The following CACNA2D1 variants were observed in gnomAD, a reference collection of about 807,000 sequenced individuals.
CACNA2D1 encodes voltage-dependent calcium channel subunit alpha-2/delta-1.
A neutral mutation model predicts 171.5 loss-of-function variants in CACNA2D1; 53 were observed. That is an observed-to-expected ratio of 0.31 (90% confidence interval 0.25 to 0.39). The LOEUF (loss-of-function observed/expected upper bound fraction) is 0.39. CACNA2D1 is among the 10% of genes least tolerant of loss of function. CACNA2D1 has a pLI of 1.00. For synonymous variants in CACNA2D1, 442 were observed against 443.1 expected (o/e 1.00, Z 0.03); for missense variants, 903 against 1,299.8 (o/e 0.69, Z 4.69).
At chr7:82,152,224 A>G (rs146578873) in intron 4 of CACNA2D1, among the ~76,000 whole-genome samples, 81 of 152,046 alleles carry the variant, frequency 5.3e-4, no homozygotes, top group African/African-American at 1.8e-3. Context: ...TTATATTAAT[A>G]TAATTCGCCT....
chr7:82,438,770 G>A (rs762637925), intron 1 of CACNA2D1, among the ~76,000 whole-genome samples: 4 of 152,088 alleles, frequency 2.6e-5, no homozygotes, highest in African/African-American at 9.7e-5. Flanking sequence ...ATGTGGAGGC[G>A]ATATAATAGA....
chr7:82,245,248 G>C (rs1804766570), intron 3 of CACNA2D1, among the ~76,000 whole-genome samples: 1 of 152,184 alleles, frequency 6.6e-6, no homozygotes, highest in South Asian at 2.1e-4. Context: ...TAATGTCAGT[G>C]TCTACTGTCT....
intron 3 of CACNA2D1, among the ~76,000 whole-genome samples, chr7:82,276,482 A>G (rs908302684): frequency 6.6e-6 from 1 of 152,174 alleles, no homozygotes; most frequent in African/African-American, 2.4e-5. Context: ...TTAGGGGCAG[A>G]AATAGTAGCT....
rs1424377116 is a variant in CACNA2D1, at chr7:81,965,878, T to C, written c.2503-213A>G. On this transcript the variant is annotated intron_variant, in intron 31 of 38. Coordinates refer to ENST00000356860, the MANE Select transcript of CACNA2D1 (RefSeq NM_000722.4). ...AGGCTTGATAATCCAACACCAACCA[T>C]CCACTTGAGACTGTCAATTCAGTCT... 2.6e-5 allele frequency among the ~76,000 whole-genome samples: 4 copies of C among 151,654 alleles called. No homozygotes were observed. The Admixed American group carries it at 2.6e-4, about 10-fold the overall frequency.
At chr7:81,982,791 T>A in intron 23 of CACNA2D1, 164 bp from the exon 24 acceptor site, 2 of 687,934 alleles carry the variant, frequency 2.9e-6, no homozygotes, top group Non-Finnish European at 5.3e-6. Flanking sequence ...ATGTCCTCAA[T>A]GCTTCCCAAA....
intron 6 of CACNA2D1, among the ~76,000 whole-genome samples, chr7:82,089,592 C>G (rs1029005085): frequency 6.6e-6 from 1 of 152,118 alleles, no homozygotes; most frequent in Admixed American, 6.5e-5. Context: ...AAAAACTGGC[C>G]TTGGTGTCAG....
chr7:82,022,786 G>T (rs1011677674), intron 12 of CACNA2D1, among the ~76,000 whole-genome samples: 1 of 151,824 alleles, frequency 6.6e-6, no homozygotes, highest in Admixed American at 6.6e-5. Context: ...AAATAAGTAC[G>T]TTAAGAATAA....
At chr7:82,419,382 C>A in intron 1 of CACNA2D1, among the ~76,000 whole-genome samples, 1 of 152,168 alleles carries the variant, frequency 6.6e-6, no homozygotes, top group South Asian at 2.1e-4. Context: ...TTCCTGATAT[C>A]TACAAAGCAT....
At chr7:82,237,769 C>T (rs2129289558) in intron 3 of CACNA2D1, among the ~76,000 whole-genome samples, 1 of 151,992 alleles carries the variant, frequency 6.6e-6, no homozygotes, top group African/African-American at 2.4e-5. Flanking sequence ...GTGTTGGTCA[C>T]TATGTTAGTT....
intron 1 of CACNA2D1, among the ~76,000 whole-genome samples, chr7:82,386,769 A>C (rs1462574989): frequency 6.6e-6 from 1 of 150,852 alleles, no homozygotes; most frequent in Non-Finnish European, 1.5e-5. Context: ...TAAATAAATA[A>C]ATAAATAAAT....
At chr7:82,070,332 T>C (rs1362069908) in intron 7 of CACNA2D1, among the ~76,000 whole-genome samples, 14 of 152,206 alleles carry the variant, frequency 9.2e-5, no homozygotes, top group Non-Finnish European at 1.9e-4. Flanking sequence ...ATACTTGACA[T>C]ACAGGAACAA....
At chr7:82,007,797 A>C in intron 15 of CACNA2D1, 41 bp from the exon 16 acceptor site, 1 of 1,174,210 alleles carries the variant, frequency 8.5e-7, no homozygotes, top group Non-Finnish European at 1.3e-6. Context: ...TTAAAATTAC[A>C]ATTTAAGCTT....
At position 82,140,805 on chromosome 7, in the gene CACNA2D1, A is replaced by G. The variant is rs567436433; in HGVS notation, c.355-4129T>C. ...CCTGTCTCTACTAAAAATACAAAAA[A>G]TTGGCAGGGCGTGGTGGCGGGCACC... On this transcript the variant is annotated intron_variant, in intron 4 of 38. Coordinates refer to ENST00000356860, the MANE Select transcript of CACNA2D1 (RefSeq NM_000722.4). Among the ~76,000 whole-genome samples, 75 of 151,886 alleles carry G rather than the reference A, an allele frequency of 4.9e-4. 2 individuals carry two copies. The South Asian group carries it at 0.016, about 32-fold the overall frequency.
chr7:82,076,891 C>G (rs751521285), intron 7 of CACNA2D1, among the ~76,000 whole-genome samples: 1 of 152,076 alleles, frequency 6.6e-6, no homozygotes, highest in Admixed American at 6.5e-5. Flanking sequence ...TATTTTATGC[C>G]ATTCTTCCCT....
At chr7:82,288,951 A>T (rs779629750) in intron 3 of CACNA2D1, among the ~76,000 whole-genome samples, 1 of 152,188 alleles carries the variant, frequency 6.6e-6, no homozygotes, top group Non-Finnish European at 1.5e-5. Context: ...TAATGAACGC[A>T]GCCCATAGTT....
In CACNA2D1 at chr7:82,219,043, T is replaced by C. The variant is rs532615120; in HGVS notation, c.295-48434A>G. On this transcript the variant is annotated intron_variant, in intron 3 of 38. Coordinates refer to ENST00000356860, the MANE Select transcript of CACNA2D1 (RefSeq NM_000722.4). Reference sequence around the variant, plus strand: ...TGATGCAAGTATTAATTGTGAATTATAAAAATTTATCAAAAAGATGTTATT... The same window carrying C: ...TGATGCAAGTATTAATTGTGAATTACAAAAATTTATCAAAAAGATGTTATT... 3.3e-5 allele frequency among the ~76,000 whole-genome samples: 5 copies of C among 152,292 alleles called. No individual in the cohort carries two copies. In the South Asian group the frequency reaches 8.3e-4, roughly 25 times the overall value.
intron 12 of CACNA2D1, among the ~76,000 whole-genome samples, chr7:82,019,393 T>C (rs1800910696): frequency 6.6e-6 from 1 of 152,216 alleles, no homozygotes; most frequent in Non-Finnish European, 1.5e-5. Flanking sequence ...ATAATTTTAC[T>C]TTTAGTTGTT....
At position 81,968,992 on chromosome 7, in the gene CACNA2D1, A is replaced by T; in HGVS notation, c.2309-19T>A. 1.6e-6 allele frequency: 2 copies of T among 1,270,090 alleles called. No individual in the cohort carries two copies. Among genetic ancestry groups the T allele is most frequent in the Non-Finnish European group, 2.3e-6 (2 of 871,776 alleles). 78.7% of individuals were successfully genotyped at this position (1,270,090 alleles called of 1,614,324 possible). On this transcript the variant is annotated intron_variant, in intron 28 of 38. Transcript: ENST00000356860. ...CCACTTTCTAAAAAAAAAATAAATAAATAAAACACCTATCAAGATATATTG... is the reference window on the plus strand; with the variant it reads ...CCACTTTCTAAAAAAAAAATAAATATATAAAACACCTATCAAGATATATTG...
chr7:82,298,123 G>T (rs1342478051), intron 3 of CACNA2D1, among the ~76,000 whole-genome samples: 1 of 152,100 alleles, frequency 6.6e-6, no homozygotes, highest in Non-Finnish European at 1.5e-5. Flanking sequence ...GGTAATTATT[G>T]AGTAATATTT....
Sources: allele counts gnomAD v4.1 joint callset (sites outside exome capture counted in the v4.1 genomes callset), GRCh38; gene constraint gnomAD v4.1.1; transcripts MANE v1.5; gene names NCBI Gene and HGNC (gene_info 2026-07-23, HGNC 2026-07-21).